The following MAN2A1 variants were observed in gnomAD, a reference collection of about 807,000 sequenced individuals.
MAN2A1 encodes the protein mannosidase alpha class 2A member 1.
A neutral mutation model predicts 142.6 loss-of-function variants in MAN2A1; 76 were observed. That is an observed-to-expected ratio of 0.53 (90% confidence interval 0.44 to 0.65). The LOEUF is 0.65. MAN2A1 is among the 30% of genes least tolerant of loss of function. The pLI is 0.00. For missense variants in MAN2A1, 1,311 were observed against 1,365.1 expected, an observed-to-expected ratio of 0.96 and a Z score of 0.62; for synonymous variants, 559 against 473.2, an observed-to-expected ratio of 1.18 and a Z score of -2.35.
chr5:109,757,317 A>T (rs2112630468), intron 5 of MAN2A1, among the ~76,000 whole-genome samples: 1 of 152,276 alleles, frequency 6.6e-6, no homozygotes, highest in African/African-American at 2.4e-5. Flanking sequence ...TTTTTATTGA[A>T]GTGTAATTTA....
At chr5:109,850,629 C>T (rs1376909245) in intron 19 of MAN2A1, among the ~76,000 whole-genome samples, 2 of 152,136 alleles carry the variant, frequency 1.3e-5, no homozygotes, top group African/African-American at 4.8e-5. Flanking sequence ...TTTTGCTCCT[C>T]CTGAAAAAGT....
At chr5:109,731,532 C>T (rs1751911615) in intron 4 of MAN2A1, among the ~76,000 whole-genome samples, 1 of 109,442 alleles carries the variant, frequency 9.1e-6, no homozygotes, top group Non-Finnish European at 1.7e-5. Context: ...CCACAACAGT[C>T]CCCAGAGTGT....
rs1432841869 is a variant in MAN2A1, at chr5:109,784,795, G to A, written c.1629G>A (p.Lys543=). The A allele has an allele frequency of 1.2e-6, 2 of 1,611,188 alleles. No homozygotes were observed. Among genetic ancestry groups the A allele is most frequent in the Non-Finnish European group, 1.7e-6 (2 of 1,179,052 alleles). ...CCCTGAGACAAGCTCACAAATACAA[G>A]ATAAATAAATTTCTCTCATCATCAC... ...YFALRQAHKY[K]INKFLSSSLY... Residue 543 remains lysine (K), a synonymous_variant, in exon 10 of 22, where the codon AAG becomes AAA. Coordinates refer to ENST00000261483, the MANE Select transcript of MAN2A1 (RefSeq NM_002372.4).
At chr5:109,760,126 A>C (rs1378094330) in intron 5 of MAN2A1, among the ~76,000 whole-genome samples, 1 of 151,950 alleles carries the variant, frequency 6.6e-6, no homozygotes, top group Non-Finnish European at 1.5e-5. Flanking sequence ...TCCTAATGCT[A>C]TCCCTTCCCT....
intron 20 of MAN2A1, among the ~76,000 whole-genome samples, chr5:109,859,353 G>T (rs1228462762): frequency 6.6e-6 from 1 of 152,132 alleles, no homozygotes; most frequent in East Asian, 1.9e-4. Context: ...GACATATCTT[G>T]CTTTTCTGCT....
chr5:109,748,347 C>A (rs902265627), intron 4 of MAN2A1, among the ~76,000 whole-genome samples: 1 of 148,090 alleles, frequency 6.8e-6, no homozygotes, highest in Admixed American at 6.8e-5. Flanking sequence ...GATTAAATTT[C>A]TTGTCATTTT....
chr5:109,819,243 C>T (rs983314680), intron 13 of MAN2A1, among the ~76,000 whole-genome samples: 3 of 151,998 alleles, frequency 2.0e-5, no homozygotes, highest in Non-Finnish European at 1.5e-5. Flanking sequence ...CTAGGCTAAG[C>T]TATGATTTTG....
intron 8 of MAN2A1, among the ~76,000 whole-genome samples, chr5:109,779,484 G>A (rs1032622305): frequency 6.6e-6 from 1 of 151,968 alleles, no homozygotes; most frequent in African/African-American, 2.4e-5. Context: ...GAGCTCATCT[G>A]TATCTGCTGG....
chr5:109,740,500 C>T (rs1023472884), intron 4 of MAN2A1, among the ~76,000 whole-genome samples: 7 of 151,028 alleles, frequency 4.6e-5, no homozygotes, highest in Non-Finnish European at 8.8e-5. Context: ...CTGCTGGCTG[C>T]TTGTGGTCAG....
chr5:109,727,617 A>G (rs1561480701), intron 3 of MAN2A1, among the ~76,000 whole-genome samples: 1 of 152,212 alleles, frequency 6.6e-6, no homozygotes, highest in African/African-American at 2.4e-5. Flanking sequence ...TTTTAATTGT[A>G]TACTTTACAA....
At chr5:109,739,124 C>T (rs1752193567) in intron 4 of MAN2A1, among the ~76,000 whole-genome samples, 1 of 152,082 alleles carries the variant, frequency 6.6e-6, no homozygotes, top group Non-Finnish European at 1.5e-5. Context: ...TTACAGGCAT[C>T]AGCCACTGTG....
intron 1 of MAN2A1, among the ~76,000 whole-genome samples, chr5:109,703,126 C>T (rs1410784037): frequency 6.6e-6 from 1 of 152,178 alleles, no homozygotes; most frequent in South Asian, 2.1e-4. Flanking sequence ...GTATGAAAAA[C>T]GATCTCAGAC....
At chr5:109,763,757 C>G (rs1353250280) in intron 5 of MAN2A1, among the ~76,000 whole-genome samples, 4 of 151,082 alleles carry the variant, frequency 2.6e-5, no homozygotes, top group Non-Finnish European at 5.9e-5. Context: ...TAATCTTTGG[C>G]TATTAATGTC....
intron 8 of MAN2A1, among the ~76,000 whole-genome samples, chr5:109,779,595 T>C (rs1186332714): frequency 6.9e-6 from 1 of 145,298 alleles, no homozygotes; most frequent in Non-Finnish European, 1.5e-5. Context: ...ACACACACAG[T>C]CTTCTTCCTA....
chr5:109,793,076 T>C (rs553578788), intron 12 of MAN2A1, among the ~76,000 whole-genome samples: 1 of 152,222 alleles, frequency 6.6e-6, no homozygotes, highest in African/African-American at 2.4e-5. Context: ...GGAGCATGTA[T>C]AGGAAGCAGT....
chr5:109,733,580 G>T (rs10060050), intron 4 of MAN2A1, among the ~76,000 whole-genome samples: 1,691 of 152,204 alleles, frequency 0.011, 31 homozygotes, highest in African/African-American at 0.038. Flanking sequence ...AAGTGTTGTT[G>T]AATTTTGTCA....
chr5:109,801,949 A>C (rs890527988), intron 12 of MAN2A1, among the ~76,000 whole-genome samples: 6 of 152,310 alleles, frequency 3.9e-5, no homozygotes, highest in African/African-American at 2.4e-5. Context: ...TTTATTCTTA[A>C]ACATTTCCTG....
At chr5:109,744,479 A>G (rs947150001) in intron 4 of MAN2A1, among the ~76,000 whole-genome samples, 1 of 152,084 alleles carries the variant, frequency 6.6e-6, no homozygotes, top group Non-Finnish European at 1.5e-5. Context: ...AGACAGCAGC[A>G]GTTGGGGAGG....
chr5:109,774,775 G>GTT lies in MAN2A1; in HGVS notation c.1197-6_1197-5dup. 6.3e-7 allele frequency: 1 copy of GTT among 1,576,144 alleles called. No individual in the cohort carries two copies. The highest frequency in any genetic ancestry group is 8.6e-7 in the Non-Finnish European group (1 of 1,165,802). ...TCATATTTGCTGTTTTTTTGTGTTT[G>GTT]TTTTTTTTGTAGGGCTCGGATGCTA... On this transcript the variant is annotated splice_polypyrimidine_tract_variant and intron_variant, in intron 7 of 21. Transcript: ENST00000261483.
Sources: allele counts gnomAD v4.1 joint callset (sites outside exome capture counted in the v4.1 genomes callset), GRCh38; gene constraint gnomAD v4.1.1; transcripts MANE v1.5; gene names NCBI Gene and HGNC (gene_info 2026-07-23, HGNC 2026-07-21).